IFT88: variants seen among roughly 807,000 people sequenced by gnomAD.
The protein encoded by IFT88 is intraflagellar transport protein 88 homolog.
IFT88 carries 74 observed loss-of-function variants against 119.5 expected under a neutral mutation model. The ratio of observed to expected loss-of-function variants is 0.62; its 90% CI spans 0.51 to 0.75. The LOEUF is 0.75. Among genes scored for constraint, IFT88 ranks in the 30% least tolerant of loss-of-function variants. The pLI is 0.00. For missense variants in IFT88, 961 were observed against 977.7 expected (o/e 0.98, Z 0.23); for synonymous variants, 279 against 316.7 (o/e 0.88, Z 1.26).
intron 7 of IFT88, 93 bp downstream of exon 7, chr13:20,592,497 TCTCA>T: frequency 1.3e-6 from 1 of 789,580 alleles, no homozygotes. Flanking sequence ...TGAGATGATA[TCTCA>T]CTCTGTTGCC....
chr13:20,599,500 T>C lies in IFT88; in HGVS notation c.747T>C (p.Tyr249=), dbSNP rs1355701657. ...ATATCTATTTAAAGCAAAGAAATTA[T>C]TCCAAAGCCATTAAATTCTACCGAA... The part of the protein sequence containing the change: ...MGNIYLKQRN[Y]SKAIKFYRMA... The change falls in exon 11 of 26, where the codon TAT becomes TAC. Residue 249 remains tyrosine (Y), a synonymous_variant. Transcript: ENST00000351808. The C allele has an allele frequency of 1.9e-6, 3 of 1,555,430 alleles. No individual in the cohort carries two copies. The highest frequency in any genetic ancestry group is 1.4e-5 in the African/African-American group (1 of 73,302).
intron 13 of IFT88, among the ~76,000 whole-genome samples, chr13:20,613,216 A>G (rs185210396): frequency 1.2e-4 from 19 of 152,298 alleles, no homozygotes; most frequent in African/African-American, 4.1e-4. Flanking sequence ...TTTCTAGACT[A>G]TATAAGTAAT....
chr13:20,675,843 C>A (rs969849768), intron 24 of IFT88, among the ~76,000 whole-genome samples: 1 of 152,216 alleles, frequency 6.6e-6, no homozygotes, highest in Non-Finnish European at 1.5e-5. Context: ...AAATCATTAG[C>A]TTGCTGGATA....
At chr13:20,595,020 T>C (rs2041389700) in intron 7 of IFT88, among the ~76,000 whole-genome samples, 1 of 129,252 alleles carries the variant, frequency 7.7e-6, no homozygotes, top group Admixed American at 7.5e-5. Context: ...ACAACATTAC[T>C]GTTATTTTGA....
intron 20 of IFT88, among the ~76,000 whole-genome samples, chr13:20,653,341 C>T (rs1256302243): frequency 6.6e-6 from 1 of 152,172 alleles, no homozygotes; most frequent in Non-Finnish European, 1.5e-5. Flanking sequence ...TCCTTCATAT[C>T]TTGCCATCCT....
intron 14 of IFT88, among the ~76,000 whole-genome samples, chr13:20,617,144 C>T (rs1363463222): frequency 6.6e-6 from 1 of 151,884 alleles, no homozygotes; most frequent in Non-Finnish European, 1.5e-5. Flanking sequence ...ATTTATTTGA[C>T]CAAAATGTAG....
chr13:20,603,331 G>T (rs1034742465), intron 12 of IFT88, among the ~76,000 whole-genome samples: 10 of 149,640 alleles, frequency 6.7e-5, no homozygotes, highest in Non-Finnish European at 8.9e-5. Context: ...GAGGTTGCAG[G>T]AGCCGAGATC....
rs1302992478 is a variant in IFT88, at chr13:20,643,543, A to G, written c.1771A>G (p.Lys591Glu). ...TCCAACCGATCCTCAAGTTTTATCT[A>G]AGCTAGGAGAATTATATGATCGTGA... ...VIPTDPQVLS[K>E]LGELYDREGD... The change falls in exon 19 of 26, where the codon AAG becomes GAG. Residue 591 changes from lysine to glutamate, a missense_variant. Physicochemically the swap from Lys to Glu is moderately conservative, Grantham distance 56. Transcript: ENST00000351808. 1.9e-6 allele frequency: 3 copies of G among 1,610,302 alleles called. No homozygotes were observed. Among genetic ancestry groups the G allele is most frequent in the Non-Finnish European group, 8.5e-7 (1 of 1,176,690 alleles).
chr13:20,690,831 C>G lies in IFT88; in HGVS notation c.2353+16C>G, dbSNP rs368478277. ...AAAGAAATAGGCAAGTACTCTCCAC[C>G]CAGTTCCTCCAGGCATAGCAGGTCT... On this transcript the variant is annotated intron_variant, in intron 25 of 25. Coordinates refer to ENST00000351808, the MANE Select transcript of IFT88 (RefSeq NM_006531.5). 1,446 of 1,548,076 alleles carry G rather than the reference C, an allele frequency of 9.3e-4. 3 individuals are homozygous for G. Among genetic ancestry groups the G allele is most frequent in the Non-Finnish European group, 1.2e-3 (1,386 of 1,119,952 alleles).
Position 20,690,756 on chromosome 13 carries a change from G to C in IFT88, c.2294G>C (p.Arg765Thr). Residue 765 changes from arginine (R) to threonine (T), a missense_variant, in exon 25 of 26, where the codon AGA becomes ACA. By Grantham distance (71) the Arg-to-Thr change is moderately conservative. Transcript: ENST00000351808. The stretch of plus-strand genomic sequence containing the variant: ...AGTAAAGGTGAACGACTAAGTGCCA[G>C]ACTCAGAGCTTTACCTGGGACAAAT... ...ASSKGERLSA[R>T]LRALPGTNEP... 1 of 1,613,962 alleles carries C rather than the reference G, an allele frequency of 6.2e-7. No individual in the cohort carries two copies. The highest frequency in any genetic ancestry group is 8.5e-7 in the Non-Finnish European group (1 of 1,179,872).
chr13:20,616,182 T>G (rs2045581969), intron 14 of IFT88, among the ~76,000 whole-genome samples: 1 of 152,186 alleles, frequency 6.6e-6, no homozygotes, highest in African/African-American at 2.4e-5. Context: ...CTAGTGACGT[T>G]GTAGCTGTCT....
chr13:20,683,451 T>G (rs2057541882), intron 24 of IFT88, among the ~76,000 whole-genome samples: 1 of 152,192 alleles, frequency 6.6e-6, no homozygotes, highest in Non-Finnish European at 1.5e-5. Context: ...ATTGCTGTAA[T>G]AAATCTCTCC....
intron 9 of IFT88, among the ~76,000 whole-genome samples, chr13:20,597,706 C>T (rs1350508138): frequency 3.2e-4 from 49 of 151,056 alleles, no homozygotes; most frequent in South Asian, 1.3e-3. Context: ...ATCTTGCCAC[C>T]ACACTCCAGA....
At chr13:20,570,370 G>A (rs1566029064) in intron 1 of IFT88, among the ~76,000 whole-genome samples, 1 of 152,094 alleles carries the variant, frequency 6.6e-6, no homozygotes, top group African/African-American at 2.4e-5. Flanking sequence ...TCCTTTACTA[G>A]ATATATTCCC....
rs562058108 is a variant in IFT88 at position 20,571,216 on chromosome 13, G to A, written c.-6-3164G>A. Among the ~76,000 whole-genome samples, 10 of 152,154 alleles carry A rather than the reference G, an allele frequency of 6.6e-5. No individual in the cohort carries two copies. The South Asian group carries it at 1.5e-3, about 22-fold the overall frequency. On this transcript the variant is annotated intron_variant, in intron 1 of 25. Transcript: ENST00000351808. ...TCACCATATTAGCCAGGATGGTCTC[G>A]ATCTCCTGACCTCGTGATCTGCCTG...
At chr13:20,600,292 T>C (rs1217747932) in intron 11 of IFT88, among the ~76,000 whole-genome samples, 1 of 152,014 alleles carries the variant, frequency 6.6e-6, no homozygotes, top group East Asian at 1.9e-4. Context: ...AAAATTGTAT[T>C]GAGTAACATA....
chr13:20,676,921 A>G (rs2056741105), intron 24 of IFT88, among the ~76,000 whole-genome samples: 2 of 152,128 alleles, frequency 1.3e-5, no homozygotes, highest in Admixed American at 1.3e-4. Context: ...TTTTATATAT[A>G]CGTGTGTGCT....
chr13:20,658,469 A>G (rs2053249773), intron 22 of IFT88, among the ~76,000 whole-genome samples: 1 of 152,076 alleles, frequency 6.6e-6, no homozygotes, highest in South Asian at 2.1e-4. Flanking sequence ...GTTTTTTCCT[A>G]TTTCTGTTTA....
rs1428438675 is a variant in IFT88, at chr13:20,643,444, C to T, written c.1683-11C>T. Reference sequence around the variant, plus strand: ...TAGAAAACATGTTTTCCTTAACTGACATTGCATAAGATATGAATTAATGGA... The same window carrying T: ...TAGAAAACATGTTTTCCTTAACTGATATTGCATAAGATATGAATTAATGGA... On this transcript the variant is annotated splice_polypyrimidine_tract_variant and intron_variant, in intron 18 of 25. Transcript: ENST00000351808. 2 of 1,575,894 alleles carry T rather than the reference C, an allele frequency of 1.3e-6. No homozygotes were observed. The highest frequency in any genetic ancestry group is 1.4e-5 in the African/African-American group (1 of 72,672).
Sources: allele counts gnomAD v4.1 joint callset (sites outside exome capture counted in the v4.1 genomes callset), GRCh38; gene constraint gnomAD v4.1.1; transcripts MANE v1.5; gene names NCBI Gene and HGNC (gene_info 2026-07-23, HGNC 2026-07-21).